The following AHI1 variants were observed in gnomAD, a reference collection of about 807,000 sequenced individuals.
AHI1 encodes jouberin.
AHI1 carries 123 observed loss-of-function variants against 149.3 expected under a neutral mutation model. That is an observed-to-expected ratio of 0.82 (90% CI 0.71 to 0.96). The LOEUF (loss-of-function observed/expected upper bound fraction) is 0.96, where lower values mean the gene tolerates loss of function less well. Ranked by LOEUF, AHI1 falls within the 40% of genes least tolerant of loss-of-function variation. AHI1 has a pLI of 0.00. For synonymous variants in AHI1, 475 were observed against 459.8 expected, an observed-to-expected ratio of 1.03 and a Z score of -0.42; for missense variants, 1,439 against 1,422.7, an observed-to-expected ratio of 1.01 and a Z score of -0.18.
chr6:135,350,701 G>A (rs551253725), intron 24 of AHI1, among the ~76,000 whole-genome samples: 20 of 152,230 alleles, frequency 1.3e-4, no homozygotes, highest in Non-Finnish European at 2.8e-4. Flanking sequence ...TCAAGAAAAG[G>A]CCTATTATGC....
intron 26 of AHI1, chr6:135,302,646 C>A: frequency 8.6e-7 from 1 of 1,160,154 alleles, no homozygotes; most frequent in South Asian, 1.8e-5. Context: ...CAAAGTTTAC[C>A]ACTTACTTGA....
intron 5 of AHI1, chr6:135,490,206 G>C: frequency 1.4e-6 from 1 of 725,516 alleles, no homozygotes; most frequent in Non-Finnish European, 2.6e-6. Flanking sequence ...TTACCATACG[G>C]CCATTGATTT....
At chr6:135,467,491 G>A in intron 6 of AHI1, 90 bp downstream of exon 6, 2 of 1,064,244 alleles carry the variant, frequency 1.9e-6, no homozygotes, top group South Asian at 2.7e-5. Context: ...AAACAGAATG[G>A]ACAAAAACCA....
At chr6:135,470,984 C>CA (rs1791595789) in intron 5 of AHI1, among the ~76,000 whole-genome samples, 1 of 152,088 alleles carries the variant, frequency 6.6e-6, no homozygotes, top group African/African-American at 2.4e-5. Context: ...GACTTTTATT[C>CA]ATACCTCAAT....
intron 5 of AHI1, among the ~76,000 whole-genome samples, chr6:135,477,141 T>C (rs1329584242): frequency 6.6e-6 from 1 of 151,594 alleles, no homozygotes; most frequent in Non-Finnish European, 1.5e-5. Flanking sequence ...CCCGGGTTCA[T>C]GCCATTCTCC....
chr6:135,408,465 T>C (rs1781119432), intron 21 of AHI1, among the ~76,000 whole-genome samples: 1 of 152,036 alleles, frequency 6.6e-6, no homozygotes, highest in Non-Finnish European at 1.5e-5. Context: ...TATTAATTTA[T>C]AGTTATATAT....
At chr6:135,388,970 C>T (rs1208350367) in intron 23 of AHI1, among the ~76,000 whole-genome samples, 2 of 151,334 alleles carry the variant, frequency 1.3e-5, no homozygotes, top group East Asian at 3.9e-4. Flanking sequence ...TGAGACCGCG[C>T]CACTGCACTC....
At chr6:135,324,060 C>T (rs958113902) in intron 24 of AHI1, among the ~76,000 whole-genome samples, 3 of 152,174 alleles carry the variant, frequency 2.0e-5, no homozygotes, top group African/African-American at 4.8e-5. Context: ...TGGCTCATGC[C>T]TGTAGTCTCA....
chr6:135,401,627 G>A (rs536664070), intron 22 of AHI1, among the ~76,000 whole-genome samples: 1 of 152,266 alleles, frequency 6.6e-6, no homozygotes, highest in South Asian at 2.1e-4. Flanking sequence ...TGAGACAACT[G>A]GATAGCCTCA....
At position 135,394,800 on chromosome 6, in the gene AHI1, G is replaced by A; in HGVS notation, c.3085C>T (p.His1029Tyr). The change falls in exon 23 of 29, where the codon CAT (histidine) becomes TAT (tyrosine). Residue 1029 changes from histidine to tyrosine, a missense_variant. His to Tyr is a moderately conservative substitution (Grantham distance 83). Transcript: ENST00000265602. The stretch of plus-strand genomic sequence containing the variant: ...CCGGTCTGAGTGAAACCAAACTGAT[G>A]TAGAATCTCTTGAGCGGTCAGCATG... ...SNMLTAQEIL[H>Y]QFGFTQTGII... 1 of 1,610,134 alleles carries A rather than the reference G, an allele frequency of 6.2e-7. No homozygotes were observed. Among genetic ancestry groups the A allele is most frequent in the South Asian group, 1.1e-5 (1 of 90,244 alleles).
At chr6:135,410,500 C>G (rs946272500) in intron 21 of AHI1, among the ~76,000 whole-genome samples, 1 of 152,236 alleles carries the variant, frequency 6.6e-6, no homozygotes, top group Non-Finnish European at 1.5e-5. Context: ...GCCTAAGCAG[C>G]TGGACCCCAG....
chr6:135,490,649 G>A lies in AHI1; in HGVS notation c.109C>T (p.Leu37Phe). 1 of 1,613,586 alleles carries A rather than the reference G, an allele frequency of 6.2e-7. No individual in the cohort carries two copies. The highest frequency in any genetic ancestry group is 1.3e-5 in the African/African-American group (1 of 75,018). Reference sequence around the variant, plus strand: ...GAGATGTTTTCTTCAGACCTGACAAGTTTTTTCTTCAGTTTTTTCTTTTCA... The same window carrying A: ...GAGATGTTTTCTTCAGACCTGACAAATTTTTTCTTCAGTTTTTTCTTTTCA... ...MREKKKLKKK[L>F]VRSEENISPD... Residue 37 changes from leucine (L) to phenylalanine (F), a missense_variant, in exon 5 of 29, where the codon CTT becomes TTT. Transcript: ENST00000265602.
chr6:135,375,077 G>A (rs1426014462), intron 23 of AHI1, among the ~76,000 whole-genome samples: 1 of 152,058 alleles, frequency 6.6e-6, no homozygotes, highest in Non-Finnish European at 1.5e-5. Flanking sequence ...ACATATTATG[G>A]GTTTACTGGG....
chr6:135,338,937 T>G (rs1039417490), intron 24 of AHI1, among the ~76,000 whole-genome samples: 8 of 151,670 alleles, frequency 5.3e-5, no homozygotes, highest in African/African-American at 1.9e-4. Flanking sequence ...CTTTTTTTTT[T>G]TTTTTTGAGA....
intron 21 of AHI1, among the ~76,000 whole-genome samples, chr6:135,410,982 A>T (rs1369291465): frequency 6.6e-6 from 1 of 152,152 alleles, no homozygotes; most frequent in African/African-American, 2.4e-5. Context: ...GGCTGAGATT[A>T]CAGGTGTACG....
intron 10 of AHI1, among the ~76,000 whole-genome samples, chr6:135,454,027 G>A (rs1245004838): frequency 2.6e-5 from 4 of 152,070 alleles, no homozygotes; most frequent in African/African-American, 4.8e-5. Context: ...GCTCAGCTGC[G>A]AAAATGAGAT....
chr6:135,314,090 G>C (rs925307467), intron 26 of AHI1, among the ~76,000 whole-genome samples: 4 of 152,184 alleles, frequency 2.6e-5, no homozygotes, highest in Non-Finnish European at 5.9e-5. Context: ...TTAGACCTCA[G>C]GTTTGTGTTA....
intron 7 of AHI1, 21 bp downstream of exon 7, chr6:135,465,793 C>T (rs374141078): frequency 6.9e-7 from 1 of 1,441,578 alleles, no homozygotes; most frequent in East Asian, 2.4e-5. Context: ...GGATATTTTA[C>T]ATTTATCAAT....
chr6:135,368,395 T>C (rs947670180), intron 23 of AHI1, among the ~76,000 whole-genome samples: 2 of 151,944 alleles, frequency 1.3e-5, no homozygotes, highest in African/African-American at 4.8e-5. Flanking sequence ...TGCCCTAGGG[T>C]CACCTGGATA....
Sources: gnomAD v4.1 joint callset for allele counts (sites outside exome capture counted in the v4.1 genomes callset) on GRCh38, gnomAD v4.1.1 for gene constraint, MANE v1.5 for transcripts, NCBI Gene and HGNC (gene_info 2026-07-23, HGNC 2026-07-21) for gene names.